Variants in DNALI1 observed in about 807,000 individuals in gnomAD.
DNALI1 encodes axonemal dynein light intermediate polypeptide 1.
A neutral mutation model predicts 33.9 loss-of-function variants in DNALI1; 31 were observed. That is an observed-to-expected ratio of 0.91 (90% CI 0.69 to 1.23). The LOEUF (loss-of-function observed/expected upper bound fraction) is 1.23, where lower values mean the gene tolerates loss of function less well. DNALI1 is among the 50% of genes most tolerant of loss of function. The probability of loss-of-function intolerance (pLI) is 0.00; values close to 1 mark genes in which losing one functional copy is unlikely to be tolerated. For synonymous variants in DNALI1, 117 were observed against 129.2 expected (o/e 0.91, Z 0.64); for missense variants, 305 against 323.8 (o/e 0.94, Z 0.44).
intron 5 of DNALI1, among the ~76,000 whole-genome samples, chr1:37,563,002 T>C (rs1207477906): frequency 6.6e-6 from 1 of 152,226 alleles, no homozygotes; most frequent in Non-Finnish European, 1.5e-5. Context: ...GGTCCAGCAA[T>C]GTGCTTTAAC....
chr1:37,557,940 C>T (rs1362601261), intron 2 of DNALI1, 192 bp downstream of exon 2: 1 of 694,812 alleles, frequency 1.4e-6, no homozygotes, highest in Admixed American at 3.2e-5. Flanking sequence ...ACCCTCATTT[C>T]CTGCATGCTG....
At position 37,561,639 on chromosome 1, in the gene DNALI1, C is replaced by G. The variant is rs374132227; in HGVS notation, c.480C>G (p.Thr160=). Residue 160 remains threonine, a synonymous_variant, in exon 4 of 6, where the codon ACC becomes ACG. Transcript: ENST00000652629. The surrounding 1 kb of genome is among the most constrained non-coding windows in gnomAD (Gnocchi z 4.6). ...GAGTCCGGGACGAGATCCGCATGACCATCGCTGCCTACCAGACCCTGTACG... is the reference window on the plus strand; with the variant it reads ...GAGTCCGGGACGAGATCCGCATGACGATCGCTGCCTACCAGACCCTGTACG... The part of the protein sequence containing the change: ...LLRVRDEIRM[T]IAAYQTLYES... 8 of 1,613,844 alleles carry G rather than the reference C, an allele frequency of 5.0e-6. No homozygotes were observed. The African/African-American group carries it at 9.3e-5, about 19-fold the overall frequency.
In DNALI1 at chr1:37,562,793, A is replaced by G. The variant is rs563540871; in HGVS notation, c.741+548A>G. Reference sequence around the variant, plus strand: ...AGTCCGATGCCAGCAGTGGTCTTTTATCCAGCTGAGGTGATAGGAGGGAGG... The same window carrying G: ...AGTCCGATGCCAGCAGTGGTCTTTTGTCCAGCTGAGGTGATAGGAGGGAGG... On this transcript the variant is annotated intron_variant, in intron 5 of 5. Transcript: ENST00000652629. The surrounding 1 kb of genome is among the most constrained non-coding windows in gnomAD (Gnocchi z 5.8). Among the ~76,000 whole-genome samples, 1 of 152,134 alleles carries G rather than the reference A, an allele frequency of 6.6e-6. No homozygotes were observed. The highest frequency in any genetic ancestry group is 6.5e-5 in the Admixed American group (1 of 15,292).
Position 37,561,614 on chromosome 1 carries a change from G to A in DNALI1, c.455G>A (p.Arg152Gln), listed in dbSNP as rs370651927. ...GCGGAGAGGGGGCTGCTGCTGCTGC[G>A]AGTCCGGGACGAGATCCGCATGACC... is the stretch of plus-strand genomic sequence containing the variant. ...NCAERGLLLL[R>Q]VRDEIRMTIA... Residue 152 changes from arginine (R) to glutamine (Q), a missense_variant, in exon 4 of 6, where the codon CGA (arginine) becomes CAA (glutamine). Transcript: ENST00000652629. This position sits in a 1 kb window ranked among gnomAD's most constrained non-coding sequence, Gnocchi z 4.6. The A allele has an allele frequency of 1.3e-4, 202 of 1,613,678 alleles. No individual in the cohort carries two copies. The highest frequency in any genetic ancestry group is 1.6e-4 in the Non-Finnish European group (193 of 1,179,898).
Position 37,561,591 on chromosome 1 carries a change from G to A in DNALI1, c.432G>A (p.Ala144=), listed in dbSNP as rs755287513. The change falls in exon 4 of 6, where the codon GCG becomes GCA. Residue 144 remains alanine, a synonymous_variant. Coordinates refer to ENST00000652629, the MANE Select transcript of DNALI1 (RefSeq NM_003462.5). The surrounding 1 kb of genome is among the most constrained non-coding windows in gnomAD (Gnocchi z 4.6). ...ELIREVTINC[A]ERGLLLLRVR... Reference sequence around the variant, plus strand: ...TCCGGGAGGTCACCATCAACTGTGCGGAGAGGGGGCTGCTGCTGCTGCGAG... The same window carrying A: ...TCCGGGAGGTCACCATCAACTGTGCAGAGAGGGGGCTGCTGCTGCTGCGAG... 9.9e-6 allele frequency: 16 copies of A among 1,613,730 alleles called. No homozygotes were observed. The highest frequency in any genetic ancestry group is 4.0e-5 in the African/African-American group (3 of 74,914).
chr1:37,561,822 C>A lies in DNALI1; in HGVS notation c.576+87C>A. On this transcript the variant is annotated intron_variant, in intron 4 of 5. Coordinates refer to ENST00000652629, the MANE Select transcript of DNALI1 (RefSeq NM_003462.5). The surrounding 1 kb of genome is among the most constrained non-coding windows in gnomAD (Gnocchi z 4.6). ...TTATCATTCCAGCACTACATTCTGACCTCCTAAGGTGCTCTGCTGACAGTC... is the reference window on the plus strand; with the variant it reads ...TTATCATTCCAGCACTACATTCTGAACTCCTAAGGTGCTCTGCTGACAGTC... 1 of 1,504,122 alleles carries A rather than the reference C, an allele frequency of 6.6e-7. No homozygotes were observed. The allele number at this position is 1,504,122 out of a possible 1,614,324, so 93.2% of individuals were successfully genotyped here.
intron 5 of DNALI1, 65 bp from the exon 6 acceptor site, chr1:37,564,961 C>T (rs1216607406): frequency 6.5e-7 from 1 of 1,533,924 alleles, no homozygotes; most frequent in Admixed American, 1.7e-5. Context: ...GATTTGATCA[C>T]CTCTCAGCTA....
chr1:37,561,595 A>C lies in DNALI1; in HGVS notation c.436A>C (p.Arg146=). Residue 146 remains arginine (R), a synonymous_variant, in exon 4 of 6, where the codon AGG becomes CGG. Coordinates refer to ENST00000652629, the MANE Select transcript of DNALI1 (RefSeq NM_003462.5). The surrounding 1 kb of genome is among the most constrained non-coding windows in gnomAD (Gnocchi z 4.6). ...IREVTINCAE[R]GLLLLRVRDE... is the part of the protein sequence containing the mutation. ...GGAGGTCACCATCAACTGTGCGGAG[A>C]GGGGGCTGCTGCTGCTGCGAGTCCG... 1 of 1,613,786 alleles carries C rather than the reference A, an allele frequency of 6.2e-7. No individual in the cohort carries two copies. Among genetic ancestry groups the C allele is most frequent in the South Asian group, 1.1e-5 (1 of 91,014 alleles).
At position 37,559,612 on chromosome 1, in the gene DNALI1, C is replaced by T. The variant is rs1378924886; in HGVS notation, c.397+116C>T. The T allele has an allele frequency of 8.2e-7, 1 of 1,215,926 alleles. No homozygotes were observed. The highest frequency in any genetic ancestry group is 3.7e-5 in the Admixed American group (1 of 26,750). 75.3% of individuals were successfully genotyped at this position (1,215,926 alleles called of 1,614,324 possible). ...GCTGGAGCCCATCTCATGCTGGAATCCCCTCTTCTCCCCCTGCCTGACCCA... is the reference window on the plus strand; with the variant it reads ...GCTGGAGCCCATCTCATGCTGGAATTCCCTCTTCTCCCCCTGCCTGACCCA... On this transcript the variant is annotated intron_variant, in intron 3 of 5. Transcript: ENST00000652629. This position sits in a 1 kb window ranked among gnomAD's most constrained non-coding sequence, Gnocchi z 5.3.
chr1:37,557,625 C>T lies in DNALI1; in HGVS notation c.104C>T (p.Pro35Leu). The stretch of plus-strand genomic sequence containing the variant: ...CAGGCTCGGCTACTGAAAGTCAGCC[C>T]CCAGCAGCCTGGACCTTCAGGTTCA... ...SPKARLLKVS[P>L]QQPGPSGSAP... The change falls in exon 2 of 6, where the codon CCC becomes CTC. Residue 35 changes from proline (P) to leucine (L), a missense_variant. Coordinates refer to ENST00000652629, the MANE Select transcript of DNALI1 (RefSeq NM_003462.5). 6.2e-7 allele frequency: 1 copy of T among 1,613,510 alleles called. No individual in the cohort carries two copies. The highest frequency in any genetic ancestry group is 8.5e-7 in the Non-Finnish European group (1 of 1,179,716).
chr1:37,561,698 T>TGCA lies in DNALI1; in HGVS notation c.541_543dup (p.Gln181dup). Reference sequence around the variant, plus strand: ...GTGGCGTTTGGCATGAGGAAGGCACTGCAGGCTGAGCAGGGGAAGTCAGAC... The same window carrying TGCA: ...GTGGCGTTTGGCATGAGGAAGGCACTGCAGCAGGCTGAGCAGGGGAAGTCAGAC... On this transcript the variant is annotated inframe_insertion, in exon 4 of 6. Transcript: ENST00000652629. The surrounding 1 kb of genome is among the most constrained non-coding windows in gnomAD (Gnocchi z 4.6). The TGCA allele has an allele frequency of 6.2e-7, 1 of 1,614,132 alleles. No homozygotes were observed. The highest frequency in any genetic ancestry group is 8.5e-7 in the Non-Finnish European group (1 of 1,179,996).
Position 37,565,011 on chromosome 1 carries a change from G to GT in DNALI1, c.742-10dup, listed in dbSNP as rs1369871828. On this transcript the variant is annotated splice_polypyrimidine_tract_variant and intron_variant, in intron 5 of 5. Transcript: ENST00000652629. ...CAAGTTTCAAGTATTAATGGAGCTTGTTTTTGTTTTTCAGGCCCAACTGGA... is the reference window on the plus strand; with the variant it reads ...CAAGTTTCAAGTATTAATGGAGCTTGTTTTTTGTTTTTCAGGCCCAACTGGA... 6.2e-7 allele frequency: 1 copy of GT among 1,614,020 alleles called. No individual in the cohort carries two copies. Among genetic ancestry groups the GT allele is most frequent in the East Asian group, 2.2e-5 (1 of 44,884 alleles).
intron 5 of DNALI1, among the ~76,000 whole-genome samples, chr1:37,563,086 A>G (rs1643459509): frequency 6.6e-6 from 1 of 152,236 alleles, no homozygotes. Context: ...ACTGACATTT[A>G]GTGGCCTTCT....
At position 37,557,093 on chromosome 1, in the gene DNALI1, G is replaced by T; in HGVS notation, c.81+18G>T. 1.2e-6 allele frequency: 2 copies of T among 1,614,002 alleles called. No individual in the cohort carries two copies. Among genetic ancestry groups the T allele is most frequent in the Admixed American group, 3.3e-5 (2 of 59,988 alleles). On this transcript the variant is annotated intron_variant, in intron 1 of 5. Coordinates refer to ENST00000652629, the MANE Select transcript of DNALI1 (RefSeq NM_003462.5). ...GCCCCAAGGTAAAGACGGGGGCTCG[G>T]GAGACAAAGGAGCCTCGAAACTCCG...
rs994043749 is a variant in DNALI1, at chr1:37,559,607, G to C, written c.397+111G>C. ...TTGGAGCTGGAGCCCATCTCATGCTGGAATCCCCTCTTCTCCCCCTGCCTG... is the reference window on the plus strand; with the variant it reads ...TTGGAGCTGGAGCCCATCTCATGCTCGAATCCCCTCTTCTCCCCCTGCCTG... On this transcript the variant is annotated intron_variant, in intron 3 of 5. Transcript: ENST00000652629. The surrounding 1 kb of genome is among the most constrained non-coding windows in gnomAD (Gnocchi z 5.3). 1 of 1,259,070 alleles carries C rather than the reference G, an allele frequency of 7.9e-7. No homozygotes were observed. Among genetic ancestry groups the C allele is most frequent in the African/African-American group, 1.6e-5 (1 of 64,514 alleles). The allele number at this position is 1,259,070 out of a possible 1,614,324, so 78.0% of individuals were successfully genotyped here. A position where few individuals can be genotyped will look rare whatever the true frequency, so the allele number is the denominator to read the frequency against.
intron 2 of DNALI1, chr1:37,558,012 C>T (rs1643393669): frequency 4.6e-6 from 2 of 433,672 alleles, no homozygotes; most frequent in Admixed American, 4.3e-5. Context: ...TGTGTATTTC[C>T]AGCCCTGTCT....
intron 5 of DNALI1, among the ~76,000 whole-genome samples, chr1:37,563,026 A>C (rs955632847): frequency 1.3e-5 from 2 of 152,226 alleles, no homozygotes; most frequent in African/African-American, 4.8e-5. Context: ...GTCTCAGGTG[A>C]TTCTAATGTT....
rs890949036 is a variant in DNALI1 at position 37,565,424 on chromosome 1, C to G, written c.*363C>G. 1 of 195,110 alleles carries G rather than the reference C, an allele frequency of 5.1e-6. No homozygotes were observed. The highest frequency in any genetic ancestry group is 2.3e-5 in the African/African-American group (1 of 43,138). The allele number at this position is 195,110 out of a possible 1,614,324, so 12.1% of individuals were successfully genotyped here. ...AATACTTATTTCTGGCCAAATGAAT[C>G]TGCTTCTCTGCCCCTCAAACTTTTA... is the stretch of plus-strand genomic sequence containing the variant. On this transcript the variant is annotated 3_prime_UTR_variant, in exon 6 of 6. Coordinates refer to ENST00000652629, the MANE Select transcript of DNALI1 (RefSeq NM_003462.5).
At chr1:37,557,389 C>T (rs1389070590) in intron 1 of DNALI1, among the ~76,000 whole-genome samples, 1 of 152,138 alleles carries the variant, frequency 6.6e-6, no homozygotes, top group East Asian at 1.9e-4. Flanking sequence ...TGTGAAAGCA[C>T]ATGCGCCAGA....
Sources: allele counts gnomAD v4.1 joint callset (sites outside exome capture counted in the v4.1 genomes callset), GRCh38; gene constraint gnomAD v4.1.1; non-coding constraint Gnocchi (gnomAD v3.1); transcripts MANE v1.5; gene names NCBI Gene and HGNC (gene_info 2026-07-23, HGNC 2026-07-21).